Variants in CCDC39 observed in about 807,000 individuals in gnomAD.
The protein encoded by CCDC39 is coiled-coil domain-containing protein 39.
Under a neutral mutation model 121.0 loss-of-function variants are expected in CCDC39, and 113 were observed. The ratio of observed to expected loss-of-function variants is 0.93; its 90% CI spans 0.80 to 1.09. CCDC39 has a LOEUF of 1.09. Among genes scored for constraint, CCDC39 ranks in the 50% least tolerant of loss-of-function variants. CCDC39 has a pLI of 0.00. For synonymous variants in CCDC39, 349 were observed against 352.2 expected (o/e 0.99, Z 0.10); for missense variants, 1,063 against 1,074.7 (o/e 0.99, Z 0.15).
At chr3:180,658,666 G>A (rs188474958) in intron 6 of CCDC39, among the ~76,000 whole-genome samples, 1 of 151,882 alleles carries the variant, frequency 6.6e-6, no homozygotes, top group Non-Finnish European at 1.5e-5. Context: ...CTCCTAGGGA[G>A]GTATAACCAG....
chr3:180,648,216 T>C lies in CCDC39; in HGVS notation c.1311A>G (p.Leu437=). 1 of 1,613,570 alleles carries C rather than the reference T, an allele frequency of 6.2e-7. No individual in the cohort carries two copies. The highest frequency in any genetic ancestry group is 8.5e-7 in the Non-Finnish European group (1 of 1,179,636). The part of the protein sequence containing the change: ...RSSLKHLNHQ[L]QKLDFETLKQ... ...TCAAGGTTTCAAAATCCAGTTTTTG[T>C]AACTGATGGTTGAGATGTTTCAGAG... The change falls in exon 10 of 20, where the codon TTA becomes TTG. Residue 437 remains leucine, a synonymous_variant. Transcript: ENST00000476379.
chr3:180,674,896 G>A (rs1278440833), intron 1 of CCDC39, among the ~76,000 whole-genome samples: 1 of 152,164 alleles, frequency 6.6e-6, no homozygotes, highest in African/African-American at 2.4e-5. Context: ...TTTTATGGAG[G>A]ATTTTTGCAT....
At chr3:180,653,973 C>A (rs529731542) in intron 7 of CCDC39, among the ~76,000 whole-genome samples, 1 of 150,090 alleles carries the variant, frequency 6.7e-6, no homozygotes, top group East Asian at 2.0e-4. Context: ...TATTGGGTTT[C>A]TTTTCTGAAT....
intron 3 of CCDC39, 83 bp downstream of exon 3, chr3:180,661,778 C>T: frequency 7.6e-7 from 1 of 1,310,104 alleles, no homozygotes; most frequent in Non-Finnish European, 1.0e-6. Flanking sequence ...CTTTCCCATA[C>T]AAGAAAAAAA....
chr3:180,668,378 C>CA (rs1037410625), intron 1 of CCDC39, among the ~76,000 whole-genome samples: 82 of 152,030 alleles, frequency 5.4e-4, no homozygotes, highest in African/African-American at 1.9e-3. Flanking sequence ...GACCCTGTCT[C>CA]AAAAAAACAA....
intron 14 of CCDC39, among the ~76,000 whole-genome samples, chr3:180,626,154 G>C (rs1717553477): frequency 6.6e-6 from 1 of 152,102 alleles, no homozygotes; most frequent in South Asian, 2.1e-4. Flanking sequence ...CTGGCCTGTT[G>C]GTAGTGCATG....
intron 3 of CCDC39, 149 bp downstream of exon 3, chr3:180,661,712 T>C (rs1017529578): frequency 3.6e-5 from 23 of 631,252 alleles, no homozygotes; most frequent in Non-Finnish European, 5.5e-5. Context: ...CACAGCTCCA[T>C]GTGCCTTTCA....
At chr3:180,670,915 G>A (rs998859127) in intron 1 of CCDC39, among the ~76,000 whole-genome samples, 2 of 151,986 alleles carry the variant, frequency 1.3e-5, no homozygotes, top group African/African-American at 2.4e-5. Context: ...ACACCCAGAA[G>A]TGATCACCCC....
intron 12 of CCDC39, among the ~76,000 whole-genome samples, chr3:180,643,158 A>C (rs1412466774): frequency 6.6e-6 from 1 of 151,888 alleles, no homozygotes; most frequent in Non-Finnish European, 1.5e-5. Context: ...ATGGGGTTTC[A>C]CCATGTTAGC....
chr3:180,646,055 T>C (rs1428732047), intron 11 of CCDC39, among the ~76,000 whole-genome samples: 2 of 152,174 alleles, frequency 1.3e-5, no homozygotes, highest in African/African-American at 4.8e-5. Flanking sequence ...TTGCTTCTAG[T>C]TCTCCCAAAT....
rs1435709144 is a variant in CCDC39, at chr3:180,619,380, A to C, written c.2159-15T>G. ...ATACTCATCACCTGAAATGTAGAAC[A>C]TTTTTAGTTTAAAATTTCAACATAC... is the stretch of plus-strand genomic sequence containing the variant. On this transcript the variant is annotated splice_polypyrimidine_tract_variant and intron_variant, in intron 15 of 19. Coordinates refer to ENST00000476379, the MANE Select transcript of CCDC39 (RefSeq NM_181426.2). The C allele has an allele frequency of 1.6e-6, 2 of 1,255,922 alleles. No individual in the cohort carries two copies. Among genetic ancestry groups the C allele is most frequent in the South Asian group, 2.8e-5 (2 of 72,686 alleles). 77.8% of individuals were successfully genotyped at this position (1,255,922 alleles called of 1,614,324 possible). A position where few individuals can be genotyped will look rare whatever the true frequency, so the allele number is the denominator to read the frequency against.
chr3:180,648,461 A>G (rs1295712841), intron 9 of CCDC39, 102 bp from the exon 10 acceptor site: 2 of 793,398 alleles, frequency 2.5e-6, no homozygotes, highest in Non-Finnish European at 3.8e-6. Flanking sequence ...TGAACCCTCC[A>G]CTATTTTAGC....
chr3:180,659,803 C>A (rs1445113514), intron 4 of CCDC39, 34 bp from the exon 5 acceptor site: 1 of 1,369,044 alleles, frequency 7.3e-7, no homozygotes, highest in Admixed American at 1.8e-5. Flanking sequence ...ACTTATAATT[C>A]TCATTCTATT....
In CCDC39 at chr3:180,642,204, A is replaced by G. The variant is rs560875609; in HGVS notation, c.1666-3T>C. The G allele has an allele frequency of 3.2e-6, 5 of 1,555,692 alleles. No homozygotes were observed. In the South Asian group the frequency reaches 4.9e-5, roughly 15 times the overall value. On this transcript the variant is annotated splice_region_variant and splice_polypyrimidine_tract_variant and intron_variant, in intron 12 of 19. Coordinates refer to ENST00000476379, the MANE Select transcript of CCDC39 (RefSeq NM_181426.2). ...AGATTGTCCTCTATCATCAAATCCT[A>G]TCAACGTAACAAAATGGTCAAATAT...
Position 180,652,275 on chromosome 3 carries a change from T to A in CCDC39, c.931-9A>T. 2 of 1,421,726 alleles carry A rather than the reference T, an allele frequency of 1.4e-6. No individual in the cohort carries two copies. The highest frequency in any genetic ancestry group is 1.9e-6 in the Non-Finnish European group (2 of 1,050,452). The allele number at this position is 1,421,726 out of a possible 1,614,324, so 88.1% of individuals were successfully genotyped here. On this transcript the variant is annotated splice_polypyrimidine_tract_variant and intron_variant, in intron 7 of 19. Transcript: ENST00000476379. ...GCTTTTAAAGAATCCAGCTATTTATTAGTTAACAGACAGAAATTATATATT... is the reference window on the plus strand; with the variant it reads ...GCTTTTAAAGAATCCAGCTATTTATAAGTTAACAGACAGAAATTATATATT...
chr3:180,628,296 C>T (rs888057673), intron 14 of CCDC39, among the ~76,000 whole-genome samples: 2 of 152,090 alleles, frequency 1.3e-5, no homozygotes, highest in Admixed American at 6.5e-5. Context: ...CTGCAAGCTC[C>T]GCCTCCTGGG....
chr3:180,654,759 T>C lies in CCDC39; in HGVS notation c.930+3A>G, dbSNP rs1253565495. 8 of 1,599,674 alleles carry C rather than the reference T, an allele frequency of 5.0e-6. No homozygotes were observed. Among genetic ancestry groups the C allele is most frequent in the Non-Finnish European group, 6.0e-6 (7 of 1,172,172 alleles). On this transcript the variant is annotated splice_donor_region_variant and intron_variant, in intron 7 of 19. Transcript: ENST00000476379. The stretch of plus-strand genomic sequence containing the variant: ...CAAGCCAGTCTTTTTTGAGTTGACA[T>C]ACCTCACCCTTCAGCTGAATTCTAC...
intron 10 of CCDC39, among the ~76,000 whole-genome samples, 154 bp downstream of exon 10, chr3:180,648,011 C>T (rs1275759420): frequency 1.3e-5 from 2 of 152,026 alleles, no homozygotes; most frequent in African/African-American, 2.4e-5. Flanking sequence ...GCTCCCTCAC[C>T]CTACTACTGA....
At position 180,642,055 on chromosome 3, in the gene CCDC39, C is replaced by T. The variant is rs751375705; in HGVS notation, c.1812G>A (p.Lys604=). The part of the protein sequence containing the change: ...TAMEERTEEI[K]VHKTMLASQI... ...GTGACGCAAGCATTGTTTTATGAACCTTGATTTCTTCAGTTCGCTCTTCCA... is the reference window on the plus strand; with the variant it reads ...GTGACGCAAGCATTGTTTTATGAACTTTGATTTCTTCAGTTCGCTCTTCCA... The change falls in exon 13 of 20, where the codon AAG becomes AAA. Residue 604 remains lysine (K), a synonymous_variant. Coordinates refer to ENST00000476379, the MANE Select transcript of CCDC39 (RefSeq NM_181426.2). 3 of 1,610,250 alleles carry T rather than the reference C, an allele frequency of 1.9e-6. No homozygotes were observed. Among genetic ancestry groups the T allele is most frequent in the South Asian group, 1.1e-5 (1 of 90,296 alleles).
Sources: allele counts gnomAD v4.1 joint callset (sites outside exome capture counted in the v4.1 genomes callset), GRCh38; gene constraint gnomAD v4.1.1; transcripts MANE v1.5; gene names NCBI Gene and HGNC (gene_info 2026-07-23, HGNC 2026-07-21).